Variants in RBFOX2 observed in about 807,000 individuals in gnomAD.
RBFOX2 encodes RNA binding protein fox-1 homolog 2.
RBFOX2 carries 10 observed loss-of-function variants against 49.1 expected under a neutral mutation model. That is an observed-to-expected ratio of 0.20 (90% CI 0.13 to 0.35). The LOEUF is 0.35. Ranked by LOEUF, RBFOX2 falls within the 10% of genes least tolerant of loss-of-function variation. The pLI, the probability that RBFOX2 is intolerant of heterozygous loss-of-function variation, is 1.00. For synonymous variants in RBFOX2, 183 were observed against 187.4 expected, an observed-to-expected ratio of 0.98 and a Z score of 0.19; for missense variants, 323 against 486.9, an observed-to-expected ratio of 0.66 and a Z score of 3.17.
chr22:35,891,384 C>T (rs1159669802), intron 1 of RBFOX2, among the ~76,000 whole-genome samples: 2 of 151,950 alleles, frequency 1.3e-5, no homozygotes, highest in South Asian at 2.1e-4. Flanking sequence ...CCGCCATCCT[C>T]GGCCTTCCAA....
chr22:35,892,289 T>C (rs1462195809), intron 1 of RBFOX2, among the ~76,000 whole-genome samples: 1 of 152,136 alleles, frequency 6.6e-6, no homozygotes, highest in Admixed American at 6.5e-5. Flanking sequence ...GATTTAGACC[T>C]AGTGAGGTTT....
chr22:35,961,531 A>C (rs1161548094), intron 1 of RBFOX2: 1 of 1,302,204 alleles, frequency 7.7e-7, no homozygotes, highest in Admixed American at 2.3e-5. Context: ...CTCCCACTCC[A>C]CCACCCCCCA....
At chr22:35,979,911 A>G (rs2057374870) in intron 1 of RBFOX2, among the ~76,000 whole-genome samples, 1 of 152,198 alleles carries the variant, frequency 6.6e-6, no homozygotes, top group African/African-American at 2.4e-5. Flanking sequence ...ACAAATAGGT[A>G]ACCATCACGT....
At chr22:35,900,067 C>G (rs2048381428) in intron 1 of RBFOX2, among the ~76,000 whole-genome samples, 1 of 152,154 alleles carries the variant, frequency 6.6e-6, no homozygotes, top group Non-Finnish European at 1.5e-5. Flanking sequence ...GGGTCTGGAG[C>G]CACATTTTAG....
At chr22:35,793,431 A>C (rs1948170746) in intron 2 of RBFOX2, among the ~76,000 whole-genome samples, 1 of 152,202 alleles carries the variant, frequency 6.6e-6, no homozygotes, top group Admixed American at 6.5e-5. Context: ...ATGGGTTAAA[A>C]CTTGGTGGAA....
intron 1 of RBFOX2, among the ~76,000 whole-genome samples, chr22:35,967,749 G>A (rs2056647276): frequency 6.6e-6 from 1 of 152,140 alleles, no homozygotes; most frequent in Admixed American, 6.5e-5. Context: ...AAGAACAGGA[G>A]GACAAAGGCA....
chr22:35,965,293 A>T (rs1158225065), upstream of RBFOX2, among the ~76,000 whole-genome samples: 1 of 152,228 alleles, frequency 6.6e-6, no homozygotes, highest in Non-Finnish European at 1.5e-5. Flanking sequence ...GAATTGAGAG[A>T]TATGACCAGC....
At chr22:35,884,990 C>T (rs1381076645) in intron 1 of RBFOX2, among the ~76,000 whole-genome samples, 1 of 152,094 alleles carries the variant, frequency 6.6e-6, no homozygotes, top group East Asian at 1.9e-4. Flanking sequence ...TCCCAACTGC[C>T]TTTAACAATC....
chr22:35,890,442 T>C (rs929363652), intron 1 of RBFOX2, among the ~76,000 whole-genome samples: 6 of 152,174 alleles, frequency 3.9e-5, no homozygotes, highest in African/African-American at 1.2e-4. Flanking sequence ...TGAATAATTA[T>C]ATACTATAAT....
At chr22:35,768,702 G>A (rs1941772698) in intron 4 of RBFOX2, among the ~76,000 whole-genome samples, 1 of 152,078 alleles carries the variant, frequency 6.6e-6, no homozygotes, top group Admixed American at 6.6e-5. Flanking sequence ...CTCAATTCAT[G>A]TTATTAATTT....
intron 1 of RBFOX2, among the ~76,000 whole-genome samples, chr22:35,892,084 GC>G (rs1240645955): frequency 6.6e-6 from 1 of 152,176 alleles, no homozygotes; most frequent in Non-Finnish European, 1.5e-5. Context: ...AATGTTCAAA[GC>G]AAAAAGTTGG....
chr22:35,875,607 G>GGTGTGTGTGTGT (rs56137825), intron 1 of RBFOX2, among the ~76,000 whole-genome samples: 39 of 117,668 alleles, frequency 3.3e-4, no homozygotes, highest in African/African-American at 6.3e-4. Flanking sequence ...TGCTCACAAG[G>GGTGTGTGTGTGT]GTGTGTGTGT....
At chr22:35,932,624 T>C (rs1307507372) in intron 1 of RBFOX2, among the ~76,000 whole-genome samples, 1 of 152,216 alleles carries the variant, frequency 6.6e-6, no homozygotes, top group Non-Finnish European at 1.5e-5. Context: ...TTCACATCTG[T>C]AATTCCAGCA....
chr22:35,859,164 C>G (rs1278680268), intron 1 of RBFOX2, among the ~76,000 whole-genome samples: 1 of 152,142 alleles, frequency 6.6e-6, no homozygotes, highest in African/African-American at 2.4e-5. Flanking sequence ...GCAATTGCTA[C>G]TATAGCCACC....
intron 3 of RBFOX2, 118 bp downstream of exon 4, chr22:35,781,482 C>T (rs7364270): frequency 7.6e-7 from 1 of 1,308,760 alleles, no homozygotes; most frequent in Non-Finnish European, 1.1e-6. Context: ...ACTGATTTAC[C>T]TCAGGTTCTT....
intron 1 of RBFOX2, among the ~76,000 whole-genome samples, chr22:36,016,122 C>A (rs2059024722): frequency 6.6e-6 from 1 of 152,038 alleles, no homozygotes; most frequent in African/African-American, 2.4e-5. Context: ...CCATATAGAT[C>A]TGCTTTGAAA....
intron 1 of RBFOX2, among the ~76,000 whole-genome samples, chr22:35,950,809 A>G (rs2054828673): frequency 6.6e-6 from 1 of 152,022 alleles, no homozygotes; most frequent in African/African-American, 2.4e-5. Context: ...AGCTGCTATT[A>G]TACTAATTCT....
At chr22:35,878,063 C>T (rs1468940898) in intron 1 of RBFOX2, among the ~76,000 whole-genome samples, 2 of 151,506 alleles carry the variant, frequency 1.3e-5, no homozygotes, top group African/African-American at 4.9e-5. Context: ...CACACACACA[C>T]ACACACACAC....
At chr22:35,998,405 T>G (rs537696542) in intron 1 of RBFOX2, 1 of 152,318 alleles carries the variant, frequency 6.6e-6, no homozygotes, top group East Asian at 1.9e-4. Flanking sequence ...AGACGGAGTT[T>G]CGCTCTTGTC....
Sources: allele counts gnomAD v4.1 joint callset (sites outside exome capture counted in the v4.1 genomes callset), GRCh38; gene constraint gnomAD v4.1.1; transcripts MANE v1.5; gene names NCBI Gene and HGNC (gene_info 2026-07-23, HGNC 2026-07-21).